UGGT2: variants seen among roughly 807,000 people sequenced by gnomAD.
The protein encoded by UGGT2 is UDP-glucose:glycoprotein glucosyltransferase 2.
A neutral mutation model predicts 192.1 loss-of-function variants in UGGT2; 180 were observed. The observed-to-expected ratio is 0.94, with a 90% CI of 0.83 to 1.06. UGGT2 has a LOEUF of 1.06. Ranked by LOEUF, UGGT2 falls within the 50% of genes least tolerant of loss-of-function variation. The pLI, the probability that UGGT2 is intolerant of heterozygous loss-of-function variation, is 0.00. For missense variants in UGGT2, 1,849 were observed against 1,795.7 expected (o/e 1.03, Z -0.54); for synonymous variants, 580 against 591.0 (o/e 0.98, Z 0.27).
intron 4 of UGGT2, among the ~76,000 whole-genome samples, chr13:96,019,135 G>GA (rs2052438294): frequency 1.7e-5 from 2 of 114,608 alleles, no homozygotes; most frequent in African/African-American, 6.7e-5. Flanking sequence ...GGGGGGGGGG[G>GA]GGGAATGTTT....
At chr13:95,950,690 T>C (rs2050033633) in intron 12 of UGGT2, among the ~76,000 whole-genome samples, 3 of 151,118 alleles carry the variant, frequency 2.0e-5, no homozygotes, top group Non-Finnish European at 4.4e-5. Context: ...CAAAAATTTC[T>C]AAAAAGAAAA....
At chr13:96,004,388 A>T (rs2051904352) in intron 5 of UGGT2, among the ~76,000 whole-genome samples, 2 of 152,098 alleles carry the variant, frequency 1.3e-5, no homozygotes, top group South Asian at 4.1e-4. Context: ...AGTCAGGGAG[A>T]CAGAGACTAG....
chr13:95,933,232 G>A (rs564515071), intron 17 of UGGT2, among the ~76,000 whole-genome samples: 1 of 152,244 alleles, frequency 6.6e-6, no homozygotes, highest in East Asian at 1.9e-4. Flanking sequence ...CTGGTTGGTA[G>A]GTTTTTTATT....
intron 17 of UGGT2, among the ~76,000 whole-genome samples, chr13:95,933,375 A>T (rs944663033): frequency 6.6e-6 from 1 of 152,068 alleles, no homozygotes; most frequent in East Asian, 1.9e-4. Context: ...TCTTCTGAGG[A>T]TCTTCTGTAT....
chr13:95,805,254 A>G (rs866315457), intron 38 of UGGT2, among the ~76,000 whole-genome samples: 22 of 151,158 alleles, frequency 1.5e-4, no homozygotes, highest in African/African-American at 5.1e-4. Flanking sequence ...CCTCAGACCC[A>G]TTAGTATGAC....
At chr13:95,912,858 C>G (rs1417588280) in intron 20 of UGGT2, among the ~76,000 whole-genome samples, 1 of 152,140 alleles carries the variant, frequency 6.6e-6, no homozygotes, top group East Asian at 1.9e-4. Flanking sequence ...CTACAGTAAC[C>G]AAAACAGCAT....
At position 95,986,353 on chromosome 13, in the gene UGGT2, C is replaced by T; in HGVS notation, c.1011G>A (p.Gln337=). 1 of 1,599,812 alleles carries T rather than the reference C, an allele frequency of 6.3e-7. No homozygotes were observed. The highest frequency in any genetic ancestry group is 1.7e-4 in the Middle Eastern group (1 of 6,000). The change falls in exon 9 of 39, where the codon CAG becomes CAA. Residue 337 remains glutamine, a synonymous_variant. Transcript: ENST00000376747. The stretch of plus-strand genomic sequence containing the variant: ...CATACCTGGCTTTTATGGGGAAGTT[C>T]TGTGAAATGTCTTTCATTAATTTAA... The part of the protein sequence containing the change: ...DSIKLMKDIS[Q]NFPIKARSLT...
At chr13:96,033,969 A>C (rs2052919354) in intron 1 of UGGT2, among the ~76,000 whole-genome samples, 2 of 152,198 alleles carry the variant, frequency 1.3e-5, no homozygotes, top group African/African-American at 4.8e-5. Context: ...AGCTAAGGAC[A>C]ACCTGAAGCC....
chr13:95,964,411 A>C (rs1176068370), intron 12 of UGGT2, among the ~76,000 whole-genome samples: 1 of 152,194 alleles, frequency 6.6e-6, no homozygotes, highest in Non-Finnish European at 1.5e-5. Flanking sequence ...CTAATAGGTA[A>C]AGATTTTATG....
intron 11 of UGGT2, among the ~76,000 whole-genome samples, chr13:95,971,076 C>T (rs562779168): frequency 4.6e-5 from 7 of 152,222 alleles, no homozygotes; most frequent in Middle Eastern, 6.8e-3. Context: ...TGGCTCCTCC[C>T]GCTACTCTCA....
intron 8 of UGGT2, among the ~76,000 whole-genome samples, chr13:95,988,999 T>C (rs1279847801): frequency 6.6e-6 from 1 of 152,168 alleles, no homozygotes. Flanking sequence ...CTTTTAGTTG[T>C]TATTTTAAAA....
chr13:95,999,087 T>C lies in UGGT2; in HGVS notation c.757+124A>G, dbSNP rs571858297. The C allele has an allele frequency of 1.2e-5, 7 of 563,788 alleles. No individual in the cohort carries two copies. In the South Asian group the frequency reaches 2.6e-4, roughly 21 times the overall value. 34.9% of individuals were successfully genotyped at this position (563,788 alleles called of 1,614,324 possible). On this transcript the variant is annotated intron_variant, in intron 6 of 38. Coordinates refer to ENST00000376747, the MANE Select transcript of UGGT2 (RefSeq NM_020121.4). ...ATTCCAAATTTTAATGAAGAATATGTCCACCCCATCTCTAGCCTCAAATGA... is the reference window on the plus strand; with the variant it reads ...ATTCCAAATTTTAATGAAGAATATGCCCACCCCATCTCTAGCCTCAAATGA...
chr13:95,940,994 A>T (rs1405981850), intron 15 of UGGT2, among the ~76,000 whole-genome samples: 1 of 152,156 alleles, frequency 6.6e-6, no homozygotes, highest in Non-Finnish European at 1.5e-5. Flanking sequence ...TATTCTTTTT[A>T]TCTTTTCTCA....
At chr13:95,910,280 A>G (rs754963889) in intron 20 of UGGT2, among the ~76,000 whole-genome samples, 18 of 152,216 alleles carry the variant, frequency 1.2e-4, no homozygotes, top group Non-Finnish European at 2.4e-4. Flanking sequence ...AGCCCCAATT[A>G]AAAGACAGAG....
At chr13:95,864,839 G>T (rs1432158963) in intron 30 of UGGT2, among the ~76,000 whole-genome samples, 1 of 151,928 alleles carries the variant, frequency 6.6e-6, no homozygotes, top group East Asian at 1.9e-4. Flanking sequence ...TCATTGTACT[G>T]GCAAACATCT....
At position 95,922,070 on chromosome 13, in the gene UGGT2, A is replaced by G. The variant is rs1351567974; in HGVS notation, c.2295+3610T>C. Among the ~76,000 whole-genome samples the G allele has an allele frequency of 2.0e-5, 3 of 152,234 alleles. No homozygotes were observed. The East Asian group carries it at 5.8e-4, about 29-fold the overall frequency. ...ACTGAATAAAGAAAATGTGACTCAT[A>G]TACACCATGGAATACTACACAATAT... On this transcript the variant is annotated intron_variant, in intron 20 of 38. Transcript: ENST00000376747.
At chr13:95,983,937 TCTAA>T in intron 9 of UGGT2, 73 bp from the exon 10 acceptor site, 6 of 967,840 alleles carry the variant, frequency 6.2e-6, no homozygotes, top group African/African-American at 1.7e-5. Context: ...CCCAATGTAA[TCTAA>T]TACTTTGGAT....
intron 7 of UGGT2, 38 bp downstream of exon 7, chr13:95,996,025 G>A (rs370982750): frequency 6.4e-7 from 1 of 1,558,182 alleles, no homozygotes; most frequent in Non-Finnish European, 8.8e-7. Flanking sequence ...AAAACCAATG[G>A]GTATAATAAT....
intron 17 of UGGT2, among the ~76,000 whole-genome samples, chr13:95,932,020 T>C (rs932431161): frequency 6.6e-6 from 1 of 152,342 alleles, no homozygotes; most frequent in Admixed American, 6.5e-5. Context: ...TTGTTCTTTT[T>C]CTTGGAATTG....
Sources: gnomAD v4.1 joint callset for allele counts (sites outside exome capture counted in the v4.1 genomes callset) on GRCh38, gnomAD v4.1.1 for gene constraint, MANE v1.5 for transcripts, NCBI Gene and HGNC (gene_info 2026-07-23, HGNC 2026-07-21) for gene names.